GRM1: variants seen among roughly 807,000 people sequenced by gnomAD.
GRM1 encodes the protein glutamate metabotropic receptor 1, also known as metabotropic glutamate receptor 1.
GRM1 carries 33 observed loss-of-function variants against 90.9 expected under a neutral mutation model. The observed-to-expected ratio is 0.36, with a 90% CI of 0.28 to 0.49. GRM1 has a LOEUF of 0.49. GRM1 is among the 20% of genes least tolerant of loss of function. The pLI is 0.99. For missense variants in GRM1, 1,190 were observed against 1,534.3 expected (o/e 0.78, Z 3.75); for synonymous variants, 700 against 613.2 (o/e 1.14, Z -2.09).
chr6:146,177,577 A>T (rs766610230), intron 2 of GRM1, among the ~76,000 whole-genome samples: 7 of 152,124 alleles, frequency 4.6e-5, no homozygotes, highest in Non-Finnish European at 1.0e-4. Context: ...TTGAAGCTGG[A>T]TAACTTATGA....
At chr6:146,307,728 T>C (rs1056805214) in intron 3 of GRM1, among the ~76,000 whole-genome samples, 1 of 152,188 alleles carries the variant, frequency 6.6e-6, no homozygotes, top group Non-Finnish European at 1.5e-5. Flanking sequence ...TCTAATTGGG[T>C]CACTTCTAGT....
At chr6:146,240,072 G>A (rs1253588385) in intron 2 of GRM1, among the ~76,000 whole-genome samples, 1 of 152,030 alleles carries the variant, frequency 6.6e-6, no homozygotes, top group African/African-American at 2.4e-5. Context: ...TATGACCTGA[G>A]TAGTGCCTTA....
intron 1 of GRM1, among the ~76,000 whole-genome samples, chr6:146,136,184 A>T (rs979449933): frequency 2.6e-5 from 4 of 152,320 alleles, no homozygotes; most frequent in Admixed American, 2.6e-4. Context: ...TTGTCTGTTG[A>T]TAGACACTTG....
chr6:146,061,750 A>C (rs527282098), intron 1 of GRM1, among the ~76,000 whole-genome samples: 34 of 152,018 alleles, frequency 2.2e-4, no homozygotes, highest in Non-Finnish European at 4.1e-4. Context: ...AGTGATGAGA[A>C]ATCACTATGA....
At chr6:146,125,064 A>G (rs1206026209) in intron 1 of GRM1, among the ~76,000 whole-genome samples, 1 of 152,142 alleles carries the variant, frequency 6.6e-6, no homozygotes, top group African/African-American at 2.4e-5. Context: ...GTCACTCCAA[A>G]TAGGTTTGAG....
intron 2 of GRM1, among the ~76,000 whole-genome samples, chr6:146,294,729 A>G (rs964518509): frequency 6.6e-6 from 1 of 152,128 alleles, no homozygotes; most frequent in Non-Finnish European, 1.5e-5. Context: ...CTATCTTGCT[A>G]TGTTACTTAC....
At chr6:146,233,739 G>T (rs1780528205) in intron 2 of GRM1, among the ~76,000 whole-genome samples, 1 of 152,034 alleles carries the variant, frequency 6.6e-6, no homozygotes, top group South Asian at 2.1e-4. Context: ...TTATAGTCTA[G>T]AGTGTTCCAT....
intron 2 of GRM1, among the ~76,000 whole-genome samples, chr6:146,230,636 C>T (rs1289702569): frequency 3.9e-5 from 6 of 152,040 alleles, no homozygotes; most frequent in Non-Finnish European, 7.4e-5. Context: ...ACACTCTTAC[C>T]GTGCAATCTA....
At chr6:146,123,903 G>T (rs1380833214) in intron 1 of GRM1, among the ~76,000 whole-genome samples, 2 of 152,076 alleles carry the variant, frequency 1.3e-5, no homozygotes, top group African/African-American at 4.8e-5. Context: ...CATGGAAACA[G>T]GCAAGATTGA....
chr6:146,136,799 A>T (rs574065006), intron 1 of GRM1, among the ~76,000 whole-genome samples: 26 of 148,564 alleles, frequency 1.8e-4, no homozygotes, highest in Non-Finnish European at 1.5e-4. Context: ...ATAATCTGTC[A>T]TGTGGGTTGT....
At chr6:146,065,245 G>A (rs1775807316) in intron 1 of GRM1, among the ~76,000 whole-genome samples, 2 of 152,106 alleles carry the variant, frequency 1.3e-5, no homozygotes, top group African/African-American at 2.4e-5. Flanking sequence ...GGAGGAAAAT[G>A]TAATGGTCTT....
intron 1 of GRM1, among the ~76,000 whole-genome samples, chr6:146,150,495 T>C (rs151099874): frequency 2.2e-4 from 33 of 152,326 alleles, no homozygotes; most frequent in African/African-American, 7.9e-4. Context: ...TCATACAATG[T>C]GCAATGCTCA....
At chr6:146,407,683 A>G (rs1168539742) in intron 7 of GRM1, among the ~76,000 whole-genome samples, 1 of 152,232 alleles carries the variant, frequency 6.6e-6, no homozygotes, top group Non-Finnish European at 1.5e-5. Flanking sequence ...AGGCTTGGAA[A>G]GCTCAATGCC....
chr6:146,222,109 G>C (rs369316041), intron 2 of GRM1, among the ~76,000 whole-genome samples: 7 of 152,104 alleles, frequency 4.6e-5, no homozygotes, highest in African/African-American at 9.6e-5. Flanking sequence ...TAAAGCACCT[G>C]GTTAATCCTT....
chr6:146,288,032 G>A (rs1171102444), intron 2 of GRM1, among the ~76,000 whole-genome samples: 1 of 152,206 alleles, frequency 6.6e-6, no homozygotes, highest in African/African-American at 2.4e-5. Flanking sequence ...GAAGTGGGTT[G>A]CTGATGCAAC....
At chr6:146,303,584 G>A (rs990100277) in intron 2 of GRM1, among the ~76,000 whole-genome samples, 6 of 152,140 alleles carry the variant, frequency 3.9e-5, no homozygotes, top group African/African-American at 9.7e-5. Context: ...ATCAAGAATA[G>A]TGGTAAACCC....
chr6:146,141,664 T>C (rs1001713287), intron 1 of GRM1, among the ~76,000 whole-genome samples: 3 of 152,228 alleles, frequency 2.0e-5, no homozygotes, highest in Non-Finnish European at 4.4e-5. Context: ...AATTCTGCTA[T>C]TAAGAGACTC....
chr6:146,183,033 T>C (rs1181812944), intron 2 of GRM1, among the ~76,000 whole-genome samples: 1 of 152,150 alleles, frequency 6.6e-6, no homozygotes, highest in African/African-American at 2.4e-5. Context: ...AGTTAAGGGC[T>C]GGTAGGACAG....
intron 2 of GRM1, among the ~76,000 whole-genome samples, chr6:146,251,719 C>T (rs1316582888): frequency 6.6e-6 from 1 of 152,188 alleles, no homozygotes; most frequent in East Asian, 1.9e-4. Context: ...TCAACTCCAA[C>T]CATATCCCTT....
Sources: allele counts gnomAD v4.1 joint callset (sites outside exome capture counted in the v4.1 genomes callset), GRCh38; gene constraint gnomAD v4.1.1; transcripts MANE v1.5; gene names NCBI Gene and HGNC (gene_info 2026-07-23, HGNC 2026-07-21).